VPS26A: variants seen among roughly 807,000 people sequenced by gnomAD.
VPS26A encodes the protein vacuolar protein sorting-associated protein 26A.
In VPS26A, 22 loss-of-function variants were observed where a neutral mutation model predicts 42.4. The observed-to-expected ratio is 0.52, with a 90% CI of 0.37 to 0.74. VPS26A has a LOEUF of 0.74. VPS26A is among the 30% of genes least tolerant of loss of function. The pLI is 0.00. For synonymous variants in VPS26A, 110 were observed against 123.5 expected (o/e 0.89, Z 0.73); for missense variants, 276 against 379.2 (o/e 0.73, Z 2.26).
chr10:69,140,358 C>T (rs1260734404), intron 2 of VPS26A, among the ~76,000 whole-genome samples: 3 of 151,628 alleles, frequency 2.0e-5, no homozygotes, highest in Non-Finnish European at 4.4e-5. Context: ...TGAGCCACTG[C>T]ACCCGACCTT....
intron 2 of VPS26A, among the ~76,000 whole-genome samples, chr10:69,142,182 C>CTTTTT (rs143922304): frequency 2.4e-5 from 2 of 84,912 alleles, no homozygotes; most frequent in African/African-American, 9.5e-5. Context: ...CATACCAGGC[C>CTTTTT]TTTTTTTTTT....
chr10:69,168,364 C>T, intron 7 of VPS26A, 125 bp from the exon 8 acceptor site: 2 of 1,076,592 alleles, frequency 1.9e-6, no homozygotes, highest in Non-Finnish European at 2.7e-6. Flanking sequence ...GAACCCTGGT[C>T]TTTGTTATTT....
chr10:69,125,526 T>G (rs1247247832), intron 1 of VPS26A, among the ~76,000 whole-genome samples: 1 of 152,064 alleles, frequency 6.6e-6, no homozygotes, highest in Non-Finnish European at 1.5e-5. Context: ...TAGTCAGTGT[T>G]AGGGCAGGCT....
At chr10:69,157,655 A>G (rs1374886428) in intron 4 of VPS26A, among the ~76,000 whole-genome samples, 1 of 152,196 alleles carries the variant, frequency 6.6e-6, no homozygotes, top group East Asian at 1.9e-4. Flanking sequence ...AGGGCATTTC[A>G]GGATATTAAT....
chr10:69,171,963 A>G lies in VPS26A; in HGVS notation c.*694A>G, dbSNP rs1841825595. 1 of 152,094 alleles carries G rather than the reference A, an allele frequency of 6.6e-6. No homozygotes were observed. The highest frequency in any genetic ancestry group is 6.6e-5 in the Admixed American group (1 of 15,264). The allele number at this position is 152,094 out of a possible 1,614,324, so 9.4% of individuals were successfully genotyped here. ...CATTATGGCCTTCTTTTTTTTGGCC[A>G]TATTAAGTAACAGTTTTGCTATATT... On this transcript the variant is annotated 3_prime_UTR_variant, in exon 9 of 9. Coordinates refer to ENST00000263559, the MANE Select transcript of VPS26A (RefSeq NM_004896.5).
chr10:69,171,395 CCTTT>C lies in VPS26A; in HGVS notation c.*127_*130del. 1.5e-6 allele frequency: 1 copy of C among 686,342 alleles called. No homozygotes were observed. The highest frequency in any genetic ancestry group is 2.5e-6 in the Non-Finnish European group (1 of 403,290). 42.5% of individuals were successfully genotyped at this position (686,342 alleles called of 1,614,324 possible). On this transcript the variant is annotated 3_prime_UTR_variant, in exon 9 of 9. Transcript: ENST00000263559. ...CCAAAACTCCATATATGTTAGTCTT[CCTTT>C]ATCTTACAGCGCAGCATTTATTTTA...
chr10:69,132,975 A>G lies in VPS26A; in HGVS notation c.81A>G (p.Ala27=), dbSNP rs1323993686. The change falls in exon 2 of 9, where the codon GCA becomes GCG. Residue 27 remains alanine (A), a synonymous_variant. Coordinates refer to ENST00000263559, the MANE Select transcript of VPS26A (RefSeq NM_004896.5). The part of the protein sequence containing the change: ...VLNDGETRKM[A]EMKTEDGKVE... ...ATGATGGGGAAACCAGGAAAATGGC[A>G]GAAATGAAAACTGAAGATGGCAAAG... The G allele has an allele frequency of 6.2e-7, 1 of 1,613,264 alleles. No homozygotes were observed. Among genetic ancestry groups the G allele is most frequent in the Non-Finnish European group, 8.5e-7 (1 of 1,179,832 alleles).
chr10:69,174,174 A>G lies in VPS26A; in HGVS notation c.*2905A>G, dbSNP rs1258859657. Reference sequence around the variant, plus strand: ...CTGCTGCTCACTCTGGGCCTGTGCCACATTTAAGAGCTGTAACACTCAAGG... The same window carrying G: ...CTGCTGCTCACTCTGGGCCTGTGCCGCATTTAAGAGCTGTAACACTCAAGG... On this transcript the variant is annotated 3_prime_UTR_variant, in exon 9 of 9. Coordinates refer to ENST00000263559, the MANE Select transcript of VPS26A (RefSeq NM_004896.5). Among the ~76,000 whole-genome samples the G allele has an allele frequency of 1.3e-5, 2 of 152,272 alleles. No individual in the cohort carries two copies. The highest frequency in any genetic ancestry group is 3.9e-4 in the East Asian group (2 of 5,182).
intron 2 of VPS26A, among the ~76,000 whole-genome samples, chr10:69,148,090 TA>T (rs1841204111): frequency 6.6e-6 from 1 of 152,138 alleles, no homozygotes; most frequent in Non-Finnish European, 1.5e-5. Context: ...AAATATGAAA[TA>T]GCTACTGTCA....
At chr10:69,161,693 G>T (rs568657647) in intron 5 of VPS26A, 31 of 380,068 alleles carry the variant, frequency 8.2e-5, no homozygotes, top group South Asian at 6.3e-4. Context: ...ATCAACCGGG[G>T]TTCAGCACAA....
intron 2 of VPS26A, among the ~76,000 whole-genome samples, chr10:69,147,376 T>A (rs967911094): frequency 2.0e-4 from 31 of 152,320 alleles, no homozygotes; most frequent in South Asian, 8.3e-4. Context: ...ACTTTCTTGG[T>A]GTCTTTTGCA....
intron 2 of VPS26A, among the ~76,000 whole-genome samples, chr10:69,134,312 TC>T (rs1192501114): frequency 6.6e-6 from 1 of 152,228 alleles, no homozygotes; most frequent in Admixed American, 6.5e-5. Flanking sequence ...TTAAGCAGTT[TC>T]TGTTTTTCAG....
intron 3 of VPS26A, among the ~76,000 whole-genome samples, chr10:69,156,516 A>T (rs887334853): frequency 1.3e-4 from 20 of 152,138 alleles, no homozygotes; most frequent in South Asian, 4.1e-4. Context: ...ACATTTTTAA[A>T]GTATCAGAAT....
chr10:69,128,432 G>A (rs539463852), intron 1 of VPS26A, among the ~76,000 whole-genome samples: 85 of 151,662 alleles, frequency 5.6e-4, no homozygotes, highest in African/African-American at 1.8e-3. Flanking sequence ...GGGTTTCACC[G>A]TGTTAGTCAG....
chr10:69,154,957 G>A (rs1841401169), intron 2 of VPS26A, among the ~76,000 whole-genome samples: 2 of 151,994 alleles, frequency 1.3e-5, no homozygotes, highest in African/African-American at 4.8e-5. Context: ...TATGAGTTTA[G>A]GGATTTTGAG....
chr10:69,166,161 A>C (rs545174403), intron 7 of VPS26A, 51 bp downstream of exon 7: 1 of 1,517,984 alleles, frequency 6.6e-7, no homozygotes, highest in Non-Finnish European at 9.1e-7. Flanking sequence ...ATCAGTGTTC[A>C]TGGCAGTTTT....
intron 1 of VPS26A, among the ~76,000 whole-genome samples, chr10:69,125,708 T>C (rs1201494306): frequency 2.6e-5 from 4 of 152,224 alleles, no homozygotes; most frequent in Admixed American, 2.6e-4. Context: ...ACTGAAATGG[T>C]CACAGATGTA....
intron 1 of VPS26A, among the ~76,000 whole-genome samples, chr10:69,130,744 A>G (rs981547996): frequency 1.3e-5 from 2 of 152,056 alleles, no homozygotes; most frequent in Admixed American, 6.6e-5. Context: ...TGTACCTTAC[A>G]TGTTTTTTGC....
chr10:69,131,270 G>A (rs776052231), intron 1 of VPS26A, among the ~76,000 whole-genome samples: 3 of 152,170 alleles, frequency 2.0e-5, no homozygotes, highest in East Asian at 3.9e-4. Flanking sequence ...GTGAGCCAGC[G>A]CGCCCAGCCA....
Sources: gnomAD v4.1 joint callset for allele counts (sites outside exome capture counted in the v4.1 genomes callset) on GRCh38, gnomAD v4.1.1 for gene constraint, MANE v1.5 for transcripts, NCBI Gene and HGNC (gene_info 2026-07-23, HGNC 2026-07-21) for gene names.